CACNB4: variants seen among roughly 807,000 people sequenced by gnomAD.
CACNB4 encodes the protein voltage-dependent L-type calcium channel subunit beta-4.
Under a neutral mutation model 71.2 loss-of-function variants are expected in CACNB4, and 32 were observed. That is an observed-to-expected ratio of 0.45 (90% CI 0.34 to 0.60). The LOEUF (loss-of-function observed/expected upper bound fraction) is 0.60. CACNB4 is among the 20% of genes least tolerant of loss of function. The probability of loss-of-function intolerance (pLI) is 0.01; values close to 1 mark genes in which losing one functional copy is unlikely to be tolerated. For synonymous variants in CACNB4, 231 were observed against 236.9 expected, an observed-to-expected ratio of 0.97 and a Z score of 0.23; for missense variants, 464 against 647.9, an observed-to-expected ratio of 0.72 and a Z score of 3.08.
intron 4 of CACNB4, chr2:151,879,752 C>CT (rs1258687344): frequency 2.6e-5 from 4 of 152,220 alleles, no homozygotes; most frequent in Admixed American, 2.6e-4. Flanking sequence ...TCACATCAAA[C>CT]TGCCAGACTG....
At chr2:152,030,569 C>T (rs547245400) in intron 2 of CACNB4, among the ~76,000 whole-genome samples, 24 of 152,318 alleles carry the variant, frequency 1.6e-4, no homozygotes, top group Non-Finnish European at 3.1e-4. Context: ...ATTAACTTGT[C>T]ATTTACATTA....
intron 2 of CACNB4, chr2:151,971,216 G>A (rs1010011165): frequency 1.2e-5 from 5 of 429,374 alleles, no homozygotes; most frequent in African/African-American, 7.9e-5. Flanking sequence ...TGCTAACAGT[G>A]TATAATAATG....
At chr2:151,987,839 T>C (rs1206009924) in intron 2 of CACNB4, among the ~76,000 whole-genome samples, 2 of 152,244 alleles carry the variant, frequency 1.3e-5, no homozygotes, top group Admixed American at 6.5e-5. Flanking sequence ...CCTTTGTATA[T>C]TTCCATTTCC....
intron 2 of CACNB4, among the ~76,000 whole-genome samples, chr2:152,085,738 GT>G (rs1286785074): frequency 2.0e-5 from 3 of 151,122 alleles, no homozygotes; most frequent in Non-Finnish European, 4.4e-5. Flanking sequence ...AATGGCGGAT[GT>G]TTTTAACATA....
intron 2 of CACNB4, among the ~76,000 whole-genome samples, chr2:152,039,329 C>G (rs1277643505): frequency 6.6e-6 from 1 of 151,524 alleles, no homozygotes; most frequent in African/African-American, 2.4e-5. Context: ...AGGCAGAGAA[C>G]TGCTTGAACC....
In CACNB4 at chr2:151,837,449, T is replaced by G. The variant is rs1409623664; in HGVS notation, c.*1670A>C. On this transcript the variant is annotated 3_prime_UTR_variant, in exon 14 of 14. Coordinates refer to ENST00000539935, the MANE Select transcript of CACNB4 (RefSeq NM_000726.5). The stretch of plus-strand genomic sequence containing the variant: ...GAAGATTACTGAACTGGTGCATGCT[T>G]TGAGTGCCTGAATACTGAAAGGCTT... 1.3e-5 allele frequency: 2 copies of G among 151,912 alleles called. No individual in the cohort carries two copies. The highest frequency in any genetic ancestry group is 6.6e-5 in the Admixed American group (1 of 15,218). The allele number at this position is 151,912 out of a possible 1,614,324, so 9.4% of individuals were successfully genotyped here.
intron 4 of CACNB4, among the ~76,000 whole-genome samples, chr2:151,878,207 T>TAC (rs1233556473): frequency 6.6e-6 from 1 of 150,590 alleles, no homozygotes; most frequent in Non-Finnish European, 1.5e-5. Context: ...TGTGTGTGTA[T>TAC]ATATATATAT....
chr2:151,925,751 C>CT (rs1022676384), intron 2 of CACNB4, among the ~76,000 whole-genome samples: 1 of 151,978 alleles, frequency 6.6e-6, no homozygotes, highest in African/African-American at 2.4e-5. Flanking sequence ...GCCTTAGAGG[C>CT]TGGTGTAGGG....
At chr2:151,996,812 A>G (rs1422255210) in intron 2 of CACNB4, among the ~76,000 whole-genome samples, 3 of 152,202 alleles carry the variant, frequency 2.0e-5, no homozygotes, top group Non-Finnish European at 4.4e-5. Context: ...CTTGCCCAGG[A>G]AACTAAAGAA....
rs189266593 is a variant in CACNB4 at position 152,088,325 on chromosome 2, G to A, written c.147+10005C>T. Among the ~76,000 whole-genome samples, 9 of 152,164 alleles carry A rather than the reference G, an allele frequency of 5.9e-5. No individual in the cohort carries two copies. The South Asian group carries it at 6.2e-4, about 11-fold the overall frequency. On this transcript the variant is annotated intron_variant, in intron 2 of 13. Coordinates refer to ENST00000539935, the MANE Select transcript of CACNB4 (RefSeq NM_000726.5). ...ATTTAAGAAGAAAAAAAAGGAAGAC[G>A]ATATATTTATCTGCACAAGTTACTA... is the stretch of plus-strand genomic sequence containing the variant.
intron 2 of CACNB4, among the ~76,000 whole-genome samples, chr2:152,069,905 C>T (rs1300542617): frequency 1.4e-5 from 2 of 146,008 alleles, no homozygotes; most frequent in East Asian, 2.0e-4. Context: ...GGCAGTGGCA[C>T]GATCTCGGCT....
rs1416772263 is a variant in CACNB4, at chr2:151,876,422, G to A, written c.521+4C>T. 10 of 1,594,876 alleles carry A rather than the reference G, an allele frequency of 6.3e-6. No homozygotes were observed. The highest frequency in any genetic ancestry group is 5.6e-5 in the South Asian group (5 of 88,502). On this transcript the variant is annotated splice_donor_region_variant and intron_variant, in intron 5 of 13. Transcript: ENST00000539935. ...AAAAGTGCATAGAAAAGATGGGAAC[G>A]TACCCTCCGTGAAAACGTCCTCTTT...
At chr2:152,084,382 A>G (rs1472167122) in intron 2 of CACNB4, among the ~76,000 whole-genome samples, 3 of 152,208 alleles carry the variant, frequency 2.0e-5, no homozygotes, top group Admixed American at 1.3e-4. Flanking sequence ...CTCACTGAGG[A>G]AGGCACAGCT....
At chr2:151,918,139 T>C (rs1010894944) in intron 2 of CACNB4, among the ~76,000 whole-genome samples, 2 of 152,224 alleles carry the variant, frequency 1.3e-5, no homozygotes, top group African/African-American at 4.8e-5. Flanking sequence ...TGCCAAAATA[T>C]GTAGTTGGCC....
At chr2:151,874,446 C>T (rs1366103317) in intron 5 of CACNB4, among the ~76,000 whole-genome samples, 3 of 143,804 alleles carry the variant, frequency 2.1e-5, no homozygotes, top group Admixed American at 7.2e-5. Flanking sequence ...CCAGCCTGGG[C>T]GACAGAGCGA....
At chr2:152,027,981 T>C (rs1684073112) in intron 2 of CACNB4, among the ~76,000 whole-genome samples, 1 of 152,100 alleles carries the variant, frequency 6.6e-6, no homozygotes, top group Non-Finnish European at 1.5e-5. Flanking sequence ...CAGATCTTTT[T>C]ATACCTTCTT....
chr2:151,998,110 G>A (rs1299797881), intron 2 of CACNB4, among the ~76,000 whole-genome samples: 1 of 152,054 alleles, frequency 6.6e-6, no homozygotes, highest in Non-Finnish European at 1.5e-5. Flanking sequence ...ATCGCCTGAG[G>A]TCAGGAGTTC....
chr2:151,973,876 G>T, intron 2 of CACNB4: 1 of 1,455,282 alleles, frequency 6.9e-7, no homozygotes. Context: ...ACATCCCACA[G>T]GGTGAGGTTA....
At chr2:151,906,636 T>C (rs928773774) in intron 2 of CACNB4, among the ~76,000 whole-genome samples, 1 of 152,208 alleles carries the variant, frequency 6.6e-6, no homozygotes, top group Non-Finnish European at 1.5e-5. Flanking sequence ...CCTACTTTCA[T>C]CTGCTTATGA....
Sources: gnomAD v4.1 joint callset for allele counts (sites outside exome capture counted in the v4.1 genomes callset) on GRCh38, gnomAD v4.1.1 for gene constraint, MANE v1.5 for transcripts, NCBI Gene and HGNC (gene_info 2026-07-23, HGNC 2026-07-21) for gene names.